RGS22: variants seen among roughly 807,000 people sequenced by gnomAD.
RGS22 encodes regulator of G-protein signaling 22.
A neutral mutation model predicts 172.9 loss-of-function variants in RGS22; 148 were observed. The ratio of observed to expected loss-of-function variants is 0.86; its 90% CI spans 0.75 to 0.98. The LOEUF is 0.98. RGS22 is among the 50% of genes least tolerant of loss of function. The pLI is 0.00. For missense variants in RGS22, 1,347 were observed against 1,440.8 expected (o/e 0.93, Z 1.05); for synonymous variants, 458 against 480.2 (o/e 0.95, Z 0.60).
At chr8:100,015,275 C>T (rs1416408712) in intron 14 of RGS22, among the ~76,000 whole-genome samples, 5 of 151,776 alleles carry the variant, frequency 3.3e-5, no homozygotes, top group African/African-American at 1.2e-4. Flanking sequence ...TCCTGTGTTT[C>T]CAGTTTTCTT....
chr8:100,023,352 T>C (rs1817823486), intron 14 of RGS22, among the ~76,000 whole-genome samples: 2 of 152,194 alleles, frequency 1.3e-5, no homozygotes, highest in Admixed American at 6.5e-5. Context: ...TGTCAAGGTC[T>C]GCCTCTGAGA....
At chr8:99,964,057 A>T (rs1810472747) in intron 24 of RGS22, among the ~76,000 whole-genome samples, 1 of 148,098 alleles carries the variant, frequency 6.8e-6, no homozygotes, top group Non-Finnish European at 1.5e-5. Context: ...CACCATCATC[A>T]TCATCATCCC....
intron 3 of RGS22, 136 bp from the exon 4 acceptor site, chr8:100,080,491 T>C (rs1811675879): frequency 4.5e-6 from 3 of 666,792 alleles, no homozygotes; most frequent in Non-Finnish European, 7.5e-6. Context: ...TCTTCCTTTT[T>C]AGGAGCTAGG....
intron 9 of RGS22, among the ~76,000 whole-genome samples, chr8:100,055,614 C>T (rs971081164): frequency 2.0e-5 from 3 of 152,148 alleles, no homozygotes; most frequent in African/African-American, 2.4e-5. Flanking sequence ...ATAATTCCCA[C>T]GTGTCATGGG....
chr8:99,973,586 C>A (rs533576644), intron 23 of RGS22, among the ~76,000 whole-genome samples: 1 of 151,914 alleles, frequency 6.6e-6, no homozygotes, highest in Non-Finnish European at 1.5e-5. Context: ...ACCTAGATGA[C>A]GTGGCCAGGC....
At chr8:100,001,137 A>C (rs1814995930) in intron 18 of RGS22, among the ~76,000 whole-genome samples, 1 of 149,322 alleles carries the variant, frequency 6.7e-6, no homozygotes, top group Non-Finnish European at 1.5e-5. Context: ...CAAAAGTATA[A>C]AAATTGCATC....
chr8:100,027,775 G>A (rs999454248), intron 14 of RGS22, among the ~76,000 whole-genome samples: 5 of 152,076 alleles, frequency 3.3e-5, no homozygotes, highest in African/African-American at 7.2e-5. Flanking sequence ...GAGCCATCAC[G>A]CCTGGCCTAA....
Position 100,033,207 on chromosome 8 carries a change from C to CA in RGS22, c.2166+5723dup, listed in dbSNP as rs202073340. On this transcript the variant is annotated intron_variant, in intron 14 of 27. Coordinates refer to ENST00000360863, the MANE Select transcript of RGS22 (RefSeq NM_015668.5). ...GGAGACAGAGACACAAAAAACCCTT[C>CA]AAAAAAATCAATGAATCCAGGAGCT... 6.4e-3 allele frequency among the ~76,000 whole-genome samples: 970 copies of CA among 151,872 alleles called. 11 individuals are homozygous for CA. The highest frequency in any genetic ancestry group is 0.021 in the African/African-American group (884 of 41,452).
chr8:99,986,370 T>G (rs1025395051), intron 21 of RGS22, among the ~76,000 whole-genome samples: 1 of 152,360 alleles, frequency 6.6e-6, no homozygotes, highest in African/African-American at 2.4e-5. Context: ...ACTAACTGTA[T>G]GTTGAGCAAC....
intron 9 of RGS22, among the ~76,000 whole-genome samples, chr8:100,058,978 T>A (rs1190363240): frequency 6.6e-6 from 1 of 152,162 alleles, no homozygotes; most frequent in Non-Finnish European, 1.5e-5. Context: ...CGGTAAGATA[T>A]AAACAGAAAC....
At chr8:100,041,244 T>G (rs1465462108) in intron 12 of RGS22, among the ~76,000 whole-genome samples, 2 of 152,154 alleles carry the variant, frequency 1.3e-5, no homozygotes. Context: ...ATCCCAGCAC[T>G]TTGGAAGGGC....
chr8:100,008,491 T>A lies in RGS22; in HGVS notation c.2245A>T (p.Met749Leu). 3.1e-6 allele frequency: 5 copies of A among 1,613,550 alleles called. No homozygotes were observed. The highest frequency in any genetic ancestry group is 4.2e-6 in the Non-Finnish European group (5 of 1,179,756). The change falls in exon 15 of 28, where the codon ATG (methionine) becomes TTG (leucine). Residue 749 changes from methionine to leucine, a missense_variant. Physicochemically the swap from Met to Leu is conservative, Grantham distance 15 (BLOSUM62 2). Coordinates refer to ENST00000360863, the MANE Select transcript of RGS22 (RefSeq NM_015668.5). ...LQQEKKKEIY[M>L]KIQPPFEDLF... Reference sequence around the variant, plus strand: ...TCTTCAAATGGTGGCTGTATTTTCATATAAATTTCTTTTTTCTTTTCCTGT... The same window carrying A: ...TCTTCAAATGGTGGCTGTATTTTCAAATAAATTTCTTTTTTCTTTTCCTGT...
intron 14 of RGS22, among the ~76,000 whole-genome samples, chr8:100,018,111 G>A (rs1455768343): frequency 2.0e-5 from 3 of 151,880 alleles, no homozygotes; most frequent in Non-Finnish European, 2.9e-5. Context: ...CATCTCTCCT[G>A]GAGACACTCA....
intron 15 of RGS22, among the ~76,000 whole-genome samples, chr8:100,007,069 T>C (rs1180814359): frequency 1.3e-5 from 2 of 152,208 alleles, no homozygotes; most frequent in Admixed American, 1.3e-4. Flanking sequence ...AAAAGGATAC[T>C]AGGCTAATTT....
intron 4 of RGS22, among the ~76,000 whole-genome samples, chr8:100,075,837 C>G (rs1405204676): frequency 6.6e-6 from 1 of 152,152 alleles, no homozygotes; most frequent in African/African-American, 2.4e-5. Flanking sequence ...CTTACAATTG[C>G]AGCAGCAGTG....
chr8:99,987,741 T>G (rs531387154), intron 20 of RGS22, 122 bp from the exon 21 acceptor site: 12 of 570,584 alleles, frequency 2.1e-5, no homozygotes, highest in Admixed American at 3.6e-5. Flanking sequence ...TTTCACAACA[T>G]TTTCACCTAT....
intron 20 of RGS22, among the ~76,000 whole-genome samples, chr8:99,993,874 C>T (rs542339195): frequency 2.6e-5 from 4 of 152,304 alleles, no homozygotes; most frequent in Admixed American, 1.3e-4. Flanking sequence ...CAACAAAATA[C>T]TGGCAAATCA....
intron 9 of RGS22, among the ~76,000 whole-genome samples, chr8:100,059,666 G>A (rs984957415): frequency 6.6e-6 from 1 of 152,136 alleles, no homozygotes; most frequent in Non-Finnish European, 1.5e-5. Context: ...ACTACAAAGA[G>A]AGATAGGTCC....
At chr8:99,986,431 C>T (rs73702126) in intron 21 of RGS22, among the ~76,000 whole-genome samples, 5,357 of 152,160 alleles carry the variant, frequency 0.035, 322 homozygotes, top group African/African-American at 0.12. Context: ...AAGCATTATG[C>T]TCCTAAATTG....
Sources: allele counts gnomAD v4.1 joint callset (sites outside exome capture counted in the v4.1 genomes callset), GRCh38; gene constraint gnomAD v4.1.1; transcripts MANE v1.5; gene names NCBI Gene and HGNC (gene_info 2026-07-23, HGNC 2026-07-21).